The following PDGFA variants were observed in gnomAD, a reference collection of about 807,000 sequenced individuals.
PDGFA encodes the protein platelet-derived growth factor subunit A.
A neutral mutation model predicts 25.6 loss-of-function variants in PDGFA; 9 were observed. That is an observed-to-expected ratio of 0.35 (90% CI 0.21 to 0.61). PDGFA has a LOEUF of 0.61. Ranked by LOEUF, PDGFA falls within the 20% of genes least tolerant of loss-of-function variation. PDGFA has a pLI of 0.75. For missense variants in PDGFA, 242 were observed against 272.8 expected (o/e 0.89, Z 0.79); for synonymous variants, 133 against 111.8 (o/e 1.19, Z -1.20).
At position 517,372 on chromosome 7, in the gene PDGFA, G is replaced by T; in HGVS notation, c.160+22C>A. The T allele has an allele frequency of 7.9e-7, 1 of 1,260,948 alleles. No homozygotes were observed. 78.1% of individuals were successfully genotyped at this position (1,260,948 alleles called of 1,614,324 possible). A position where few individuals can be genotyped will look rare whatever the true frequency, so the allele number is the denominator to read the frequency against. ...GCCCGCCCGCGCCCTCCCCGCGCGC[G>T]GAGGGAAGGGGCGCGATTTACCTAC... is the stretch of plus-strand genomic sequence containing the variant. On this transcript the variant is annotated intron_variant, in intron 2 of 5. Coordinates refer to ENST00000402802, the Ensembl canonical transcript of PDGFA. This position sits in a 1 kb window ranked among gnomAD's most constrained non-coding sequence, Gnocchi z 7.4.
chr7:517,431 G>T lies in PDGFA; in HGVS notation c.123C>A (p.Ile41=), dbSNP rs1339327614. 1.1e-5 allele frequency: 16 copies of T among 1,394,324 alleles called. No homozygotes were observed. Among genetic ancestry groups the T allele is most frequent in the Non-Finnish European group, 1.5e-5 (16 of 1,060,550 alleles). The allele number at this position is 1,394,324 out of a possible 1,614,324, so 86.4% of individuals were successfully genotyped here. Reference sequence around the variant, plus strand: ...TCTCCAGGAGTCGCTGGAGGTCCCGGATGCTGTGGATCTGACTGCGGGCCA... The same window carrying T: ...TCTCCAGGAGTCGCTGGAGGTCCCGTATGCTGTGGATCTGACTGCGGGCCA... Residue 41 remains isoleucine (I), a synonymous_variant, in exon 2 of 6, where the codon ATC becomes ATA. Transcript: ENST00000402802. This position sits in a 1 kb window ranked among gnomAD's most constrained non-coding sequence, Gnocchi z 7.4.
chr7:502,590 C>G (rs1276835856), intron 4 of PDGFA, among the ~76,000 whole-genome samples: 1 of 152,202 alleles, frequency 6.6e-6, no homozygotes, highest in East Asian at 1.9e-4. Context: ...CTGGGTTCCC[C>G]TCTTCGGACT....
At position 517,882 on chromosome 7, in the gene PDGFA, G is replaced by A. The variant is rs1204044274; in HGVS notation, c.64-392C>T. On this transcript the variant is annotated intron_variant, in intron 1 of 5. Transcript: ENST00000402802. This position sits in a 1 kb window ranked among gnomAD's most constrained non-coding sequence, Gnocchi z 7.4. ...ATCTAGAAAGATCAAGTTAAAATGCGTCACGGGTCGGCGAGAGTCACGGCA... is the reference window on the plus strand; with the variant it reads ...ATCTAGAAAGATCAAGTTAAAATGCATCACGGGTCGGCGAGAGTCACGGCA... 6.6e-6 allele frequency among the ~76,000 whole-genome samples: 1 copy of A among 152,150 alleles called. No individual in the cohort carries two copies. Among genetic ancestry groups the A allele is most frequent in the Non-Finnish European group, 1.5e-5 (1 of 68,020 alleles).
intron 5 of PDGFA, 27 bp downstream of exon 5, chr7:501,086 ACAC>A: frequency 6.2e-7 from 1 of 1,614,152 alleles, no homozygotes; most frequent in Non-Finnish European, 8.5e-7. Flanking sequence ...CTGTTCTCCA[ACAC>A]CGATGCCGAC....
Position 500,802 on chromosome 7 carries a change from T to C in PDGFA, c.580+314A>G. 4 of 1,450,732 alleles carry C rather than the reference T, an allele frequency of 2.8e-6. No homozygotes were observed. Among genetic ancestry groups the C allele is most frequent in the Non-Finnish European group, 2.7e-6 (3 of 1,101,534 alleles). 89.9% of individuals were successfully genotyped at this position (1,450,732 alleles called of 1,614,324 possible). On this transcript the variant is annotated intron_variant, in intron 5 of 5. Transcript: ENST00000402802. The surrounding 1 kb of genome is among the most constrained non-coding windows in gnomAD (Gnocchi z 5.0). ...CCCTGGCAGGAGGCCCTTCTGCAGA[T>C]TCTTCTCAGCTCAGCCCCGCAGCCC...
At chr7:520,368 A>C (rs1333291722), upstream of PDGFA, 1 of 162,356 alleles carries the variant, frequency 6.2e-6, no homozygotes, top group Non-Finnish European at 1.3e-5. Flanking sequence ...GTCTTTGGGG[A>C]AGGAGGGGGG....
At chr7:498,330 C>G (rs1040155929) in exon 6 of PDGFA, 53 of 546,700 alleles carry the variant, frequency 9.7e-5, no homozygotes, top group Non-Finnish European at 1.5e-4. Context: ...CTTTCTCTCT[C>G]TCTCTTTTTG....
intron 4 of PDGFA, among the ~76,000 whole-genome samples, chr7:506,704 G>A (rs1248752439): frequency 1.3e-5 from 2 of 152,094 alleles, no homozygotes; most frequent in Non-Finnish European, 2.9e-5. Flanking sequence ...AGAGTCGGGC[G>A]TCCAGGCACC....
intron 2 of PDGFA, among the ~76,000 whole-genome samples, chr7:513,679 C>T (rs1338095792): frequency 1.3e-5 from 2 of 152,216 alleles, no homozygotes. Context: ...CTCCTGGGTT[C>T]AGGACTAGCA....
At chr7:497,948 A>C (rs1189484283) in exon 6 of PDGFA, 4 of 113,032 alleles carry the variant, frequency 3.5e-5, no homozygotes, top group African/African-American at 9.8e-5. Context: ...GTAAAAAAAA[A>C]AAAAAAAAAA....
intron 4 of PDGFA, among the ~76,000 whole-genome samples, chr7:506,679 G>A (rs1782577905): frequency 6.6e-6 from 1 of 152,282 alleles, no homozygotes; most frequent in East Asian, 1.9e-4. Context: ...TACCCCCGAG[G>A]CTTGGGTCTG....
chr7:512,058 TTA>T (rs1400549533), intron 3 of PDGFA, among the ~76,000 whole-genome samples: 2 of 152,170 alleles, frequency 1.3e-5, no homozygotes, highest in African/African-American at 4.8e-5. Flanking sequence ...CTTAAGGAAT[TTA>T]TGATGGCTCT....
At chr7:518,918 G>A in intron 1 of PDGFA, 21 bp downstream of exon 1, 1 of 1,499,960 alleles carries the variant, frequency 6.7e-7, no homozygotes, top group Non-Finnish European at 8.9e-7. Flanking sequence ...CGCAGGGACG[G>A]GGCGCGGGGG....
intron 4 of PDGFA, among the ~76,000 whole-genome samples, chr7:506,328 T>C (rs928385698): frequency 6.6e-6 from 1 of 151,874 alleles, no homozygotes; most frequent in Non-Finnish European, 1.5e-5. Context: ...ACTGCCCCCA[T>C]ATCCATTAAG....
Position 500,970 on chromosome 7 carries a change from C to G in PDGFA, c.580+146G>C, listed in dbSNP as rs1383861938. ...TCCGTCTCCCCCGCAGGCATCTGGC[C>G]CGGGAGCAGGGCAACGAATCCTTCA... On this transcript the variant is annotated intron_variant, in intron 5 of 5. Transcript: ENST00000402802. The surrounding 1 kb of genome is among the most constrained non-coding windows in gnomAD (Gnocchi z 5.0). The G allele has an allele frequency of 6.3e-7, 1 of 1,598,152 alleles. No individual in the cohort carries two copies.
At chr7:511,929 G>A (rs887275475) in intron 3 of PDGFA, among the ~76,000 whole-genome samples, 5 of 152,208 alleles carry the variant, frequency 3.3e-5, no homozygotes, top group South Asian at 2.1e-4. Flanking sequence ...CACAGCACGC[G>A]CGTCCCCACC....
chr7:504,428 G>C (rs1562486018), intron 4 of PDGFA, among the ~76,000 whole-genome samples: 1 of 152,128 alleles, frequency 6.6e-6, no homozygotes, highest in Non-Finnish European at 1.5e-5. Flanking sequence ...CAGGTAGTAA[G>C]TAACTAGGGA....
At chr7:510,021 T>C (rs760800442) in intron 4 of PDGFA, among the ~76,000 whole-genome samples, 3 of 140,314 alleles carry the variant, frequency 2.1e-5, no homozygotes, top group Non-Finnish European at 4.9e-5. Flanking sequence ...CAAAAGGCAA[T>C]GCAGGCTCTG....
intron 4 of PDGFA, among the ~76,000 whole-genome samples, chr7:509,786 T>C (rs529476548): frequency 6.6e-6 from 1 of 152,266 alleles, no homozygotes; most frequent in African/African-American, 2.4e-5. Flanking sequence ...TCCAGAACTT[T>C]GAGAAATACA....
Sources: allele counts gnomAD v4.1 joint callset (sites outside exome capture counted in the v4.1 genomes callset), GRCh38; gene constraint gnomAD v4.1.1; non-coding constraint Gnocchi (gnomAD v3.1); transcripts MANE v1.5; gene names NCBI Gene and HGNC (gene_info 2026-07-23, HGNC 2026-07-21).